The following MLLT3 variants were observed in gnomAD, a reference collection of about 807,000 sequenced individuals.
The protein encoded by MLLT3 is MLLT3 super elongation complex subunit.
In MLLT3, 4 loss-of-function variants were observed where a neutral mutation model predicts 53.2. That is an observed-to-expected ratio of 0.08 (90% CI 0.04 to 0.17). The LOEUF (loss-of-function observed/expected upper bound fraction) is 0.17, where lower values mean the gene tolerates loss of function less well. Among genes scored for constraint, MLLT3 ranks in the 10% least tolerant of loss-of-function variants. The probability of loss-of-function intolerance (pLI) is 1.00; values close to 1 mark genes in which losing one functional copy is unlikely to be tolerated. For missense variants in MLLT3, 569 were observed against 684.0 expected (o/e 0.83, Z 1.87); for synonymous variants, 283 against 230.6 (o/e 1.23, Z -2.06).
chr9:20,603,120 C>G (rs1820474620), intron 2 of MLLT3, among the ~76,000 whole-genome samples: 1 of 152,090 alleles, frequency 6.6e-6, no homozygotes, highest in Admixed American at 6.6e-5. Context: ...TAGCAAGAAT[C>G]AAGCACTTTT....
intron 2 of MLLT3, among the ~76,000 whole-genome samples, chr9:20,521,462 G>A (rs1355747089): frequency 6.9e-6 from 1 of 144,560 alleles, no homozygotes; most frequent in Non-Finnish European, 1.5e-5. Flanking sequence ...GTGTATATGT[G>A]TGTGTGTGTG....
chr9:20,419,885 C>A (rs1822963821), intron 4 of MLLT3, among the ~76,000 whole-genome samples: 1 of 151,952 alleles, frequency 6.6e-6, no homozygotes, highest in Non-Finnish European at 1.5e-5. Context: ...GCACAATATA[C>A]AGATTTAAAT....
chr9:20,485,971 A>G (rs1824802267), intron 2 of MLLT3, among the ~76,000 whole-genome samples: 1 of 152,178 alleles, frequency 6.6e-6, no homozygotes, highest in Non-Finnish European at 1.5e-5. Context: ...CACTTCTTGA[A>G]TAATGTCTAA....
chr9:20,500,728 G>A (rs1424316496), intron 2 of MLLT3, among the ~76,000 whole-genome samples: 2 of 152,110 alleles, frequency 1.3e-5, no homozygotes, highest in African/African-American at 4.8e-5. Flanking sequence ...GTCTACTACA[G>A]TTGAGTATAC....
At chr9:20,608,427 TACTGATATATTAC>T (rs1408614844) in intron 2 of MLLT3, among the ~76,000 whole-genome samples, 1 of 151,990 alleles carries the variant, frequency 6.6e-6, no homozygotes, top group Non-Finnish European at 1.5e-5. Context: ...ATGTATACTG[TACTGATATATTAC>T]ACATGGGTAT....
intron 2 of MLLT3, among the ~76,000 whole-genome samples, chr9:20,468,399 AC>A (rs1300636798): frequency 3.9e-5 from 6 of 152,212 alleles, no homozygotes; most frequent in Non-Finnish European, 8.8e-5. Context: ...AGCTCAATCC[AC>A]CACTAAAGGT....
chr9:20,366,557 C>T (rs1331384816), intron 5 of MLLT3, among the ~76,000 whole-genome samples: 25 of 152,280 alleles, frequency 1.6e-4, no homozygotes, highest in Admixed American at 6.5e-5. Context: ...TGGGTATATA[C>T]CCCATAATGT....
At chr9:20,614,347 T>C (rs1820772050) in intron 2 of MLLT3, among the ~76,000 whole-genome samples, 1 of 144,316 alleles carries the variant, frequency 6.9e-6, no homozygotes, top group Non-Finnish European at 1.5e-5. Flanking sequence ...TGAGCCAAGA[T>C]CATGCCACTG....
chr9:20,621,918 T>TGTGG lies in MLLT3; in HGVS notation c.12+326_12+327insCCAC, dbSNP rs1420213918. 7.2e-7 allele frequency: 1 copy of TGTGG among 1,382,636 alleles called. No homozygotes were observed. Among genetic ancestry groups the TGTGG allele is most frequent in the East Asian group, 3.0e-5 (1 of 33,856 alleles). 85.6% of individuals were successfully genotyped at this position (1,382,636 alleles called of 1,614,324 possible). ...TCCTTCCACCGTGTGTGTGTGTGTG[T>TGTGG]GTGAGTGCGCGCGTGTGAGCGAGAG... is the stretch of plus-strand genomic sequence containing the variant. On this transcript the variant is annotated intron_variant, in intron 1 of 10. Transcript: ENST00000380338. The surrounding 1 kb of genome is among the most constrained non-coding windows in gnomAD (Gnocchi z 7.0).
At chr9:20,503,839 T>C (rs1285749470) in intron 2 of MLLT3, among the ~76,000 whole-genome samples, 1 of 151,992 alleles carries the variant, frequency 6.6e-6, no homozygotes, top group African/African-American at 2.4e-5. Context: ...TATGAGGAAC[T>C]CAAACAACTC....
At chr9:20,385,720 A>G (rs1822018082) in intron 5 of MLLT3, among the ~76,000 whole-genome samples, 6 of 152,242 alleles carry the variant, frequency 3.9e-5, no homozygotes, top group African/African-American at 1.4e-4. Context: ...ATAGTGCCCA[A>G]TGGGGTGGGG....
At chr9:20,473,180 C>T (rs1824437598) in intron 2 of MLLT3, among the ~76,000 whole-genome samples, 1 of 152,112 alleles carries the variant, frequency 6.6e-6, no homozygotes, top group African/African-American at 2.4e-5. Flanking sequence ...GTAGTCAAAG[C>T]AAAGATGTTT....
chr9:20,355,363 T>C (rs983434436), intron 8 of MLLT3, among the ~76,000 whole-genome samples: 5 of 152,206 alleles, frequency 3.3e-5, no homozygotes, highest in Admixed American at 2.0e-4. Context: ...AAATTACTCA[T>C]ATGCACAAAA....
chr9:20,383,472 G>A (rs1821953181), intron 5 of MLLT3, among the ~76,000 whole-genome samples: 1 of 151,754 alleles, frequency 6.6e-6, no homozygotes, highest in East Asian at 1.9e-4. Context: ...TGTGACCTTA[G>A]CACATAACAT....
At chr9:20,532,318 A>AAT (rs1554635713) in intron 2 of MLLT3, among the ~76,000 whole-genome samples, 4,314 of 151,616 alleles carry the variant, frequency 0.028, 182 homozygotes, top group African/African-American at 0.093. Context: ...AGGAAAAAAA[A>AAT]ATATATATAT....
In MLLT3 at chr9:20,345,829, C is replaced by T. The variant is rs895331250; in HGVS notation, c.*614G>A. 17 of 224,284 alleles carry T rather than the reference C, an allele frequency of 7.6e-5. No individual in the cohort carries two copies. The highest frequency in any genetic ancestry group is 1.3e-4 in the Non-Finnish European group (15 of 112,160). 13.9% of individuals were successfully genotyped at this position (224,284 alleles called of 1,614,324 possible). A position where few individuals can be genotyped will look rare whatever the true frequency, so the allele number is the denominator to read the frequency against. On this transcript the variant is annotated 3_prime_UTR_variant, in exon 11 of 11. Coordinates refer to ENST00000380338, the MANE Select transcript of MLLT3 (RefSeq NM_004529.4). ...CCAGTTGATAATCTGTGTCCTGGAA[C>T]TGGAAAAACAAAAGGTGGAAAATAC...
chr9:20,368,012 C>CT (rs543734963), intron 5 of MLLT3, among the ~76,000 whole-genome samples: 131 of 152,326 alleles, frequency 8.6e-4, no homozygotes, highest in African/African-American at 3.0e-3. Flanking sequence ...AGCACTCATT[C>CT]TGCAGGAAAA....
In MLLT3 at chr9:20,346,392, AAC is replaced by A. The variant is rs777600950; in HGVS notation, c.*49_*50del. The A allele has an allele frequency of 4.1e-6, 6 of 1,468,114 alleles. No individual in the cohort carries two copies. The highest frequency in any genetic ancestry group is 2.5e-5 in the Admixed American group (1 of 39,794). The allele number at this position is 1,468,114 out of a possible 1,614,324, so 90.9% of individuals were successfully genotyped here. A position where few individuals can be genotyped will look rare whatever the true frequency, so the allele number is the denominator to read the frequency against. ...AAAAATCACAACCAAAAAAAAAAAAAACCAAAAAAAAAAAACACAATAGTTCT... is the reference window on the plus strand; with the variant it reads ...AAAAATCACAACCAAAAAAAAAAAAACAAAAAAAAAAAACACAATAGTTCT... On this transcript the variant is annotated 3_prime_UTR_variant, in exon 11 of 11. Transcript: ENST00000380338.
At chr9:20,384,411 A>G (rs1821979021) in intron 5 of MLLT3, among the ~76,000 whole-genome samples, 1 of 152,054 alleles carries the variant, frequency 6.6e-6, no homozygotes, top group Non-Finnish European at 1.5e-5. Context: ...TAAAAACTAC[A>G]ATCACTACAT....
Sources: gnomAD v4.1 joint callset for allele counts (sites outside exome capture counted in the v4.1 genomes callset) on GRCh38, gnomAD v4.1.1 for gene constraint, Gnocchi (gnomAD v3.1) non-coding constraint, MANE v1.5 for transcripts, NCBI Gene and HGNC (gene_info 2026-07-23, HGNC 2026-07-21) for gene names.